Variants in KIAA1328 observed in about 807,000 individuals in gnomAD.
KIAA1328 encodes KIAA1328.
A neutral mutation model predicts 68.1 loss-of-function variants in KIAA1328; 52 were observed. The ratio of observed to expected loss-of-function variants is 0.76; its 90% CI spans 0.61 to 0.96. The LOEUF (loss-of-function observed/expected upper bound fraction) is 0.96. Ranked by LOEUF, KIAA1328 falls within the 40% of genes least tolerant of loss-of-function variation. The pLI is 0.00. For missense variants in KIAA1328, 641 were observed against 677.6 expected (o/e 0.95, Z 0.60); for synonymous variants, 232 against 239.4 (o/e 0.97, Z 0.28).
intron 6 of KIAA1328, among the ~76,000 whole-genome samples, chr18:37,056,496 T>C (rs909067222): frequency 1.3e-5 from 2 of 152,224 alleles, no homozygotes; most frequent in African/African-American, 2.4e-5. Context: ...TTATGAAATA[T>C]TATGCTTCAA....
At chr18:37,205,147 CACTAG>C (rs1425382941) in intron 9 of KIAA1328, among the ~76,000 whole-genome samples, 2 of 152,200 alleles carry the variant, frequency 1.3e-5, no homozygotes, top group African/African-American at 4.8e-5. Flanking sequence ...AGCAAAGTCT[CACTAG>C]CCAAAAATGG....
downstream of KIAA1328, chr18:37,225,360 T>C: frequency 1.0e-6 from 1 of 957,834 alleles, no homozygotes; most frequent in South Asian, 4.8e-5. Context: ...GAATTGTCCC[T>C]TGAACATCCC....
At chr18:37,111,362 T>G (rs1047474646) in intron 7 of KIAA1328, among the ~76,000 whole-genome samples, 1 of 152,184 alleles carries the variant, frequency 6.6e-6, no homozygotes, top group Non-Finnish European at 1.5e-5. Flanking sequence ...TTTATGGACT[T>G]TAATCACATC....
chr18:37,128,810 A>G (rs2058453901), intron 7 of KIAA1328, among the ~76,000 whole-genome samples: 1 of 152,238 alleles, frequency 6.6e-6, no homozygotes, highest in Non-Finnish European at 1.5e-5. Context: ...ATACAATAGA[A>G]TACTCCTTGT....
chr18:36,851,128 G>A lies in KIAA1328; in HGVS notation c.332+6826G>A, dbSNP rs561333068. Among the ~76,000 whole-genome samples the A allele has an allele frequency of 8.6e-5, 13 of 152,026 alleles. No homozygotes were observed. The East Asian group carries it at 2.3e-3, about 27-fold the overall frequency. ...GTATTACATTGATTAATTTTCTTGT[G>A]TTGAATCATCCTTGTATTCCTGAGA... On this transcript the variant is annotated intron_variant, in intron 4 of 9. Coordinates refer to ENST00000280020, the MANE Select transcript of KIAA1328 (RefSeq NM_020776.3).
intron 6 of KIAA1328, among the ~76,000 whole-genome samples, chr18:36,996,141 C>T (rs1051246440): frequency 6.6e-6 from 1 of 152,188 alleles, no homozygotes; most frequent in Non-Finnish European, 1.5e-5. Flanking sequence ...ACTCCTCAAA[C>T]CTGACTCTAA....
chr18:36,932,153 G>A (rs998369392), intron 5 of KIAA1328, among the ~76,000 whole-genome samples: 15 of 151,942 alleles, frequency 9.9e-5, no homozygotes, highest in African/African-American at 1.4e-4. Context: ...GACAAAGATC[G>A]TATTAGACAC....
rs577522982 is a variant in KIAA1328, at chr18:37,031,025, T to C, written c.577-35865T>C. On this transcript the variant is annotated intron_variant, in intron 6 of 9. Coordinates refer to ENST00000280020, the MANE Select transcript of KIAA1328 (RefSeq NM_020776.3). ...AAGGACATGAACTCATCATTTTTTA[T>C]GGCTGCATAGTATTCCATGGTGTAT... Among the ~76,000 whole-genome samples the C allele has an allele frequency of 1.4e-4, 21 of 152,348 alleles. 1 individual carries two copies. The South Asian group carries it at 3.9e-3, about 29-fold the overall frequency.
At chr18:36,893,925 T>G (rs1306411863) in intron 5 of KIAA1328, among the ~76,000 whole-genome samples, 1 of 152,306 alleles carries the variant, frequency 6.6e-6, no homozygotes, top group South Asian at 2.1e-4. Flanking sequence ...TTTATCCTAT[T>G]AGAAGTATTA....
chr18:37,177,541 C>T (rs764560253), intron 9 of KIAA1328, among the ~76,000 whole-genome samples: 8 of 152,034 alleles, frequency 5.3e-5, no homozygotes, highest in African/African-American at 9.6e-5. Flanking sequence ...CACCAAATCA[C>T]GCCCAACTAG....
intron 7 of KIAA1328, among the ~76,000 whole-genome samples, chr18:37,124,658 A>G (rs540157407): frequency 1.3e-5 from 2 of 152,306 alleles, no homozygotes; most frequent in South Asian, 4.1e-4. Flanking sequence ...CTAGTTTACA[A>G]GTCCATACAT....
intron 9 of KIAA1328, among the ~76,000 whole-genome samples, chr18:37,180,462 T>G (rs1237841209): frequency 1.3e-5 from 2 of 152,198 alleles, no homozygotes; most frequent in African/African-American, 2.4e-5. Flanking sequence ...ATTCTGGTTT[T>G]GGGTAGGAAT....
At chr18:36,901,591 G>T (rs1374048894) in intron 5 of KIAA1328, among the ~76,000 whole-genome samples, 1 of 152,014 alleles carries the variant, frequency 6.6e-6, no homozygotes, top group East Asian at 1.9e-4. Context: ...TTTGGTCTTT[G>T]TGGACCTTTT....
At chr18:36,975,922 C>G (rs1356639606) in intron 6 of KIAA1328, among the ~76,000 whole-genome samples, 1 of 152,024 alleles carries the variant, frequency 6.6e-6, no homozygotes, top group East Asian at 1.9e-4. Flanking sequence ...TTATGTCTAT[C>G]TTAGATATTT....
chr18:37,110,577 A>G (rs995180287), intron 7 of KIAA1328, among the ~76,000 whole-genome samples: 1 of 152,212 alleles, frequency 6.6e-6, no homozygotes, highest in Admixed American at 6.5e-5. Flanking sequence ...GCATTGAAAT[A>G]GTTTCTTTAC....
intron 5 of KIAA1328, among the ~76,000 whole-genome samples, chr18:36,896,650 A>G (rs1272259546): frequency 1.3e-5 from 2 of 152,168 alleles, no homozygotes; most frequent in Non-Finnish European, 2.9e-5. Context: ...TCTGTTCTGG[A>G]TAAATGGTAC....
rs1020269021 is a variant in KIAA1328, at chr18:37,223,213, G to T, written c.*986G>T. On this transcript the variant is annotated 3_prime_UTR_variant, in exon 10 of 10. Transcript: ENST00000280020. ...GGATTAAAGGATACAAGCTGACCAG[G>T]CCTCACAGGTGCTCTGCTCGTGGCC... 5 of 985,092 alleles carry T rather than the reference G, an allele frequency of 5.1e-6. No homozygotes were observed. Among genetic ancestry groups the T allele is most frequent in the Non-Finnish European group, 3.6e-6 (3 of 829,940 alleles). The allele number at this position is 985,092 out of a possible 1,614,324, so 61.0% of individuals were successfully genotyped here.
chr18:36,895,410 C>CT (rs748669750), intron 5 of KIAA1328, among the ~76,000 whole-genome samples: 1 of 152,074 alleles, frequency 6.6e-6, no homozygotes, highest in Non-Finnish European at 1.5e-5. Flanking sequence ...CAAAGGGCGT[C>CT]TATGTGAAGG....
chr18:37,093,575 T>C (rs182643507), intron 7 of KIAA1328, among the ~76,000 whole-genome samples: 149 of 152,258 alleles, frequency 9.8e-4, no homozygotes, highest in Admixed American at 2.7e-3. Context: ...ACTTGAAAAC[T>C]GTCATTGGAA....
Sources: gnomAD v4.1 joint callset for allele counts (sites outside exome capture counted in the v4.1 genomes callset) on GRCh38, gnomAD v4.1.1 for gene constraint, MANE v1.5 for transcripts, NCBI Gene and HGNC (gene_info 2026-07-23, HGNC 2026-07-21) for gene names.